RORA: variants seen among roughly 807,000 people sequenced by gnomAD.
RORA encodes the protein nuclear receptor ROR-alpha.
In RORA, 7 loss-of-function variants were observed where a neutral mutation model predicts 69.5. The observed-to-expected ratio is 0.10, with a 90% CI of 0.06 to 0.19. RORA has a LOEUF of 0.19. RORA is among the 10% of genes least tolerant of loss of function. RORA has a pLI of 1.00. For synonymous variants in RORA, 261 were observed against 240.8 expected (o/e 1.08, Z -0.78); for missense variants, 457 against 663.0 (o/e 0.69, Z 3.41).
chr15:60,513,919 C>T (rs12903511), intron 4 of RORA, among the ~76,000 whole-genome samples: 10,042 of 152,246 alleles, frequency 0.066, 444 homozygotes, highest in Middle Eastern at 0.12. Context: ...TAAAATGGAC[C>T]CGCTGTGCTT....
intron 1 of RORA, among the ~76,000 whole-genome samples, chr15:60,859,240 C>T (rs1468890134): frequency 6.6e-6 from 1 of 152,134 alleles, no homozygotes; most frequent in Non-Finnish European, 1.5e-5. Context: ...TGTCTTCCCA[C>T]CAAGAGATGA....
intron 1 of RORA, among the ~76,000 whole-genome samples, chr15:60,884,727 C>A (rs1490333632): frequency 6.6e-6 from 1 of 152,210 alleles, no homozygotes; most frequent in Non-Finnish European, 1.5e-5. Flanking sequence ...CCCATTCTCT[C>A]TTGCCTTCTT....
intron 1 of RORA, among the ~76,000 whole-genome samples, chr15:61,175,430 G>A (rs1313767918): frequency 2.6e-5 from 4 of 151,544 alleles, no homozygotes; most frequent in African/African-American, 4.8e-5. Context: ...ATAGGGGCCA[G>A]GCACGGTGAC....
chr15:60,978,961 C>CTTTTTTTTTTTT (rs543353825), intron 1 of RORA, among the ~76,000 whole-genome samples: 3,363 of 94,916 alleles, frequency 0.035, 314 homozygotes, highest in East Asian at 0.051. Flanking sequence ...CAACTTTGCT[C>CTTTTTTTTTTTT]TTTTTTTTTT....
chr15:61,100,500 A>C (rs772099703), intron 1 of RORA, among the ~76,000 whole-genome samples: 21 of 152,196 alleles, frequency 1.4e-4, no homozygotes, highest in Non-Finnish European at 2.2e-4. Context: ...ACATGGAAGA[A>C]GCAGAACAGT....
At position 61,191,142 on chromosome 15, in the gene RORA, C is replaced by A. The variant is rs75853763; in HGVS notation, c.166+37911G>T. Among the ~76,000 whole-genome samples, 535 of 152,144 alleles carry A rather than the reference C, an allele frequency of 3.5e-3. 7 individuals carry two copies. Among genetic ancestry groups the A allele is most frequent in the African/African-American group, 0.012 (498 of 41,510 alleles). ...ATTTGTATTGAAAGGCTGGCTCCAC[C>A]GTTACGGATTTGGGCAAAGCTCTGA... On this transcript the variant is annotated intron_variant, in intron 1 of 10. Coordinates refer to ENST00000335670, the MANE Select transcript of RORA (RefSeq NM_134261.3).
chr15:61,003,375 A>G (rs905196845), intron 1 of RORA, among the ~76,000 whole-genome samples: 9 of 152,288 alleles, frequency 5.9e-5, no homozygotes, highest in African/African-American at 2.2e-4. Flanking sequence ...ATTCACACAC[A>G]CATATACACA....
At chr15:60,901,693 G>C (rs1891398091) in intron 1 of RORA, among the ~76,000 whole-genome samples, 1 of 152,218 alleles carries the variant, frequency 6.6e-6, no homozygotes, top group South Asian at 2.1e-4. Flanking sequence ...AGATGCATGA[G>C]CCTGTTGGGC....
rs2065123082 is a variant in RORA, at chr15:60,494,634, T to C, written c.*2821A>G. The C allele has an allele frequency of 6.6e-6, 1 of 152,228 alleles. No individual in the cohort carries two copies. Among genetic ancestry groups the C allele is most frequent in the Non-Finnish European group, 1.5e-5 (1 of 68,018 alleles). The allele number at this position is 152,228 out of a possible 1,614,324, so 9.4% of individuals were successfully genotyped here. Reference sequence around the variant, plus strand: ...CAGATCCCAACTTAGATCCAAATAGTAGTCAGTTGTTTCCTTGTTTCATGG... The same window carrying C: ...CAGATCCCAACTTAGATCCAAATAGCAGTCAGTTGTTTCCTTGTTTCATGG... On this transcript the variant is annotated 3_prime_UTR_variant, in exon 11 of 11. Transcript: ENST00000335670.
At chr15:60,872,537 A>G (rs552710618) in intron 1 of RORA, among the ~76,000 whole-genome samples, 25 of 152,308 alleles carry the variant, frequency 1.6e-4, no homozygotes, top group African/African-American at 5.5e-4. Context: ...CAGTGAGAAC[A>G]GCAAAGGTTT....
intron 1 of RORA, chr15:61,211,789 C>T (rs1053077405): frequency 6.6e-6 from 1 of 152,194 alleles, no homozygotes; most frequent in Non-Finnish European, 1.5e-5. Flanking sequence ...AACAGGTCTT[C>T]ATAATTACAC....
At chr15:60,563,458 C>T (rs539576150) in intron 2 of RORA, among the ~76,000 whole-genome samples, 1 of 152,152 alleles carries the variant, frequency 6.6e-6, no homozygotes, top group African/African-American at 2.4e-5. Flanking sequence ...AATTAGGGAA[C>T]CTTCATGAGA....
At chr15:61,138,354 G>C (rs2079264370) in intron 1 of RORA, among the ~76,000 whole-genome samples, 1 of 152,138 alleles carries the variant, frequency 6.6e-6, no homozygotes, top group South Asian at 2.1e-4. Context: ...GGAGCTAGAT[G>C]GTTTCGTGTA....
chr15:61,197,371 T>C (rs376943543), intron 1 of RORA, among the ~76,000 whole-genome samples: 1 of 152,178 alleles, frequency 6.6e-6, no homozygotes, highest in Non-Finnish European at 1.5e-5. Flanking sequence ...TCCCATGGTG[T>C]GGAGAAGCCT....
At chr15:60,999,524 T>C (rs1894679504) in intron 1 of RORA, among the ~76,000 whole-genome samples, 1 of 152,248 alleles carries the variant, frequency 6.6e-6, no homozygotes, top group African/African-American at 2.4e-5. Flanking sequence ...TATTCAAAAC[T>C]AGCAGGTTGT....
chr15:60,946,957 GC>G (rs1892901296), intron 1 of RORA, among the ~76,000 whole-genome samples: 1 of 151,314 alleles, frequency 6.6e-6, no homozygotes, highest in Non-Finnish European at 1.5e-5. Flanking sequence ...CTGCCCCGCC[GC>G]CCTCTCTGAG....
chr15:60,787,632 T>C (rs1168928448), intron 1 of RORA, among the ~76,000 whole-genome samples: 2 of 152,206 alleles, frequency 1.3e-5, no homozygotes, highest in Non-Finnish European at 2.9e-5. Context: ...ATACTGAAAA[T>C]GCAAAGCTGA....
chr15:60,505,634 G>C lies in RORA; in HGVS notation c.821-5C>G. On this transcript the variant is annotated splice_region_variant and splice_polypyrimidine_tract_variant and intron_variant, in intron 5 of 10. Transcript: ENST00000335670. ...ATATATTCTGTGCAAGGTGTTCTAA[G>C]GAGAAAACGGGAGATCACAAACACG... 1 of 1,611,764 alleles carries C rather than the reference G, an allele frequency of 6.2e-7. No individual in the cohort carries two copies. The highest frequency in any genetic ancestry group is 8.5e-7 in the Non-Finnish European group (1 of 1,178,980).
chr15:61,194,260 C>T (rs1189433833), intron 1 of RORA: 1 of 152,112 alleles, frequency 6.6e-6, no homozygotes, highest in Non-Finnish European at 1.5e-5. Context: ...CTTATTTTTA[C>T]TTAAAATCTG....
Sources: allele counts gnomAD v4.1 joint callset (sites outside exome capture counted in the v4.1 genomes callset), GRCh38; gene constraint gnomAD v4.1.1; transcripts MANE v1.5; gene names NCBI Gene and HGNC (gene_info 2026-07-23, HGNC 2026-07-21).